Variants in F8 observed in about 807,000 individuals in gnomAD.
F8 encodes coagulation factor VIII.
In F8, 12 loss-of-function variants were observed where a neutral mutation model predicts 140.6. The observed-to-expected ratio is 0.09, with a 90% CI of 0.05 to 0.14. F8 has a LOEUF of 0.14. Among genes scored for constraint, F8 ranks in the 10% least tolerant of loss-of-function variants. The pLI, the probability that F8 is intolerant of heterozygous loss-of-function variation, is 1.00. For missense variants in F8, 1,354 were observed against 1,720.7 expected (o/e 0.79, Z 3.77); for synonymous variants, 585 against 614.6 (o/e 0.95, Z 0.71).
intron 13 of F8, among the ~76,000 whole-genome samples, chrX:154,942,935 G>A (rs1557279970): frequency 9.2e-6 from 1 of 108,653 alleles, no homozygotes. Flanking sequence ...TATCTCAATA[G>A]ATGCAGAAAA....
At chrX:154,859,023 A>G (rs1279376274) in intron 25 of F8, among the ~76,000 whole-genome samples, 1 of 112,264 alleles carries the variant, frequency 8.9e-6, no homozygotes, top group East Asian at 2.8e-4. Context: ...GCATCATCCA[A>G]TTAGTTGAAG....
At chrX:154,837,775 T>C in intron 25 of F8, 23 bp from the exon 26 acceptor site, 3 of 1,205,245 alleles carry the variant, frequency 2.5e-6, no homozygotes, top group Non-Finnish European at 3.4e-6. Flanking sequence ...AGATAGCATT[T>C]ATTGGTTGTC....
intron 1 of F8, among the ~76,000 whole-genome samples, chrX:155,012,356 C>A (rs1278525488): frequency 5.4e-5 from 6 of 111,880 alleles, no homozygotes; most frequent in African/African-American, 2.0e-4. Flanking sequence ...GTTGCTCAGG[C>A]TGGAGTGCAG....
chrX:154,954,066 G>A, intron 11 of F8, 24 bp from the exon 12 acceptor site: 3 of 1,203,952 alleles, frequency 2.5e-6, no homozygotes, highest in Non-Finnish European at 3.4e-6. Context: ...ATATTGAAAG[G>A]GGTAAAGAAA....
At chrX:154,841,208 C>CT (rs1168917544) in intron 25 of F8, among the ~76,000 whole-genome samples, 1,852 of 48,606 alleles carry the variant, frequency 0.038, 47 homozygotes, top group African/African-American at 0.09. Context: ...TTGCTTTCTT[C>CT]TTTTTTTTTT....
At chrX:154,946,265 C>A (rs2073303892) in intron 13 of F8, among the ~76,000 whole-genome samples, 1 of 112,107 alleles carries the variant, frequency 8.9e-6, no homozygotes, top group African/African-American at 3.2e-5. Flanking sequence ...CTCCAAACAG[C>A]TAAATAATCT....
chrX:154,840,610 T>A (rs1409764294), intron 25 of F8, among the ~76,000 whole-genome samples: 2 of 112,522 alleles, frequency 1.8e-5, no homozygotes, highest in African/African-American at 6.5e-5. Flanking sequence ...TATGATTTTT[T>A]AAATTCCTAA....
At chrX:154,948,847 T>A (rs1468254817) in intron 12 of F8, among the ~76,000 whole-genome samples, 2 of 112,080 alleles carry the variant, frequency 1.8e-5, no homozygotes, top group Non-Finnish European at 3.8e-5. Context: ...GAAGTTTTTT[T>A]CCTATACAAC....
At chrX:154,970,389 A>T (rs2073450090) in intron 6 of F8, among the ~76,000 whole-genome samples, 1 of 111,527 alleles carries the variant, frequency 9.0e-6, no homozygotes, top group Non-Finnish European at 1.9e-5. Flanking sequence ...TTTTGGCTCT[A>T]AAAGCTTTCA....
In F8 at chrX:154,904,306, A is replaced by G. The variant is rs200628358; in HGVS notation, c.5805T>C (p.Tyr1935=). 8.3e-7 allele frequency: 1 copy of G among 1,204,957 alleles called. No homozygotes were observed. The highest frequency in any genetic ancestry group is 1.7e-5 in the African/African-American group (1 of 57,288). The change falls in exon 17 of 26, where the codon TAT becomes TAC. Residue 1935 remains tyrosine (Y), a synonymous_variant. Coordinates refer to ENST00000360256, the MANE Select transcript of F8 (RefSeq NM_000132.4). ...QMEDPTFKEN[Y]RFHAINGYIM... ...TGTGGAATATATTACCATGGAAGCG[A>G]TAATTCTCTTTAAAAGTGGGATCTT...
chrX:154,987,455 C>A lies in F8; in HGVS notation c.602-150G>T, dbSNP rs2073565516. The A allele has an allele frequency of 2.6e-5, 13 of 493,620 alleles. No homozygotes were observed. In the South Asian group the frequency reaches 3.9e-4, roughly 15 times the overall value. The allele number at this position is 493,620 out of a possible 1,213,427, so 40.7% of individuals were successfully genotyped here. ...TGATAACTTGGCTTTGATGTCAGGT[C>A]TCCTATAGCAGTGTTTCTAAAACTA... On this transcript the variant is annotated intron_variant, in intron 4 of 25. Coordinates refer to ENST00000360256, the MANE Select transcript of F8 (RefSeq NM_000132.4).
rs183081309 is a variant in F8, at chrX:154,869,981, C to T, written c.6430-6754G>A. Among the ~76,000 whole-genome samples the T allele has an allele frequency of 9.9e-4, 111 of 111,896 alleles. 2 individuals are homozygous for T. In the East Asian group the frequency reaches 0.019, roughly 19 times the overall value. On this transcript the variant is annotated intron_variant, in intron 22 of 25. Coordinates refer to ENST00000360256, the MANE Select transcript of F8 (RefSeq NM_000132.4). ...TAAATTCCTGGACACATACACCCTC[C>T]CAAGTCTAAGCCAGGAAGAAGTTGA...
chrX:154,982,418 A>G lies in F8; in HGVS notation c.787+2269T>C, dbSNP rs1358396123. On this transcript the variant is annotated intron_variant, in intron 6 of 25. Coordinates refer to ENST00000360256, the MANE Select transcript of F8 (RefSeq NM_000132.4). ...AGCTGAGATTGCGCCACTGCACTCC[A>G]GCCTGGGCGACAGCAAGACTCCGTC... 1.2e-4 allele frequency among the ~76,000 whole-genome samples: 12 copies of G among 96,912 alleles called. 1 individual carries two copies. In the South Asian group the frequency reaches 2.0e-3, roughly 16 times the overall value. The allele number at this position is 96,912 out of a possible 115,157, so 84.2% of individuals were successfully genotyped here. A position where few individuals can be genotyped will look rare whatever the true frequency, so the allele number is the denominator to read the frequency against.
chrX:154,901,997 C>T, intron 19 of F8, 54 bp downstream of exon 19: 1 of 770,596 alleles, frequency 1.3e-6, no homozygotes, highest in Admixed American at 2.2e-5. Context: ...AGGAAGAAAG[C>T]TGTAAAGAAG....
chrX:154,851,363 G>GCATATGTA (rs2072613949), intron 25 of F8, among the ~76,000 whole-genome samples: 1 of 111,926 alleles, frequency 8.9e-6, no homozygotes, highest in South Asian at 3.7e-4. Context: ...TTGTATATTA[G>GCATATGTA]TTTTTGTTAG....
chrX:154,999,622 T>C (rs782605500), intron 1 of F8, 22 bp from the exon 2 acceptor site: 3 of 1,195,057 alleles, frequency 2.5e-6, no homozygotes, highest in Non-Finnish European at 3.4e-6. Flanking sequence ...AAGGAAAAAG[T>C]CGTTCATTTT....
chrX:154,970,064 T>G (rs2073448045), intron 6 of F8, among the ~76,000 whole-genome samples: 1 of 112,703 alleles, frequency 8.9e-6, no homozygotes, highest in East Asian at 2.8e-4. Context: ...CATTTGAATA[T>G]GCAAGTGAGA....
chrX:154,859,711 C>T (rs1395312939), intron 25 of F8, among the ~76,000 whole-genome samples: 2 of 111,383 alleles, frequency 1.8e-5, no homozygotes, highest in Admixed American at 9.6e-5. Context: ...GACTTCAGTT[C>T]ACCAAACTGC....
chrX:154,904,124 T>C (rs1557276138), intron 17 of F8, 36 bp from the exon 18 acceptor site: 1 of 1,196,689 alleles, frequency 8.4e-7, no homozygotes, highest in East Asian at 3.0e-5. Flanking sequence ...TTAAAATCTA[T>C]TATATAAGTT....
Sources: allele counts gnomAD v4.1 joint callset (sites outside exome capture counted in the v4.1 genomes callset), GRCh38; gene constraint gnomAD v4.1.1; transcripts MANE v1.5; gene names NCBI Gene and HGNC (gene_info 2026-07-23, HGNC 2026-07-21).